The following STAB1 variants were observed in gnomAD, a reference collection of about 807,000 sequenced individuals.
The protein encoded by STAB1 is stabilin 1.
Under a neutral mutation model 332.4 loss-of-function variants are expected in STAB1, and 250 were observed. That is an observed-to-expected ratio of 0.75 (90% confidence interval 0.68 to 0.84). The LOEUF (loss-of-function observed/expected upper bound fraction) is 0.84. Among genes scored for constraint, STAB1 ranks in the 40% least tolerant of loss-of-function variants. The pLI, the probability that STAB1 is intolerant of heterozygous loss-of-function variation, is 0.00. For missense variants in STAB1, 3,249 were observed against 3,489.7 expected (o/e 0.93, Z 1.74); for synonymous variants, 1,475 against 1,390.4 (o/e 1.06, Z -1.35).
intron 21 of STAB1, among the ~76,000 whole-genome samples, 173 bp from the exon 22 acceptor site, chr3:52,509,037 C>G (rs1709096344): frequency 1.3e-5 from 2 of 152,156 alleles, no homozygotes; most frequent in South Asian, 4.1e-4. Context: ...GGGCCAGGTG[C>G]CTTTTAGGGG....
chr3:52,503,116 C>T lies in STAB1; in HGVS notation c.694+7C>T. The T allele has an allele frequency of 6.3e-7, 1 of 1,578,494 alleles. No homozygotes were observed. The highest frequency in any genetic ancestry group is 8.6e-7 in the Non-Finnish European group (1 of 1,162,844). ...CAGGGCAGTGAATGCCGAGGTGAGC[C>T]TGGACTCAGAGGCCAGGGACTTCAG... On this transcript the variant is annotated splice_region_variant and intron_variant, in intron 7 of 68. Transcript: ENST00000321725.
chr3:52,517,287 G>A (rs1412157089), intron 42 of STAB1, 33 bp from the exon 43 acceptor site: 5 of 1,531,090 alleles, frequency 3.3e-6, no homozygotes, highest in South Asian at 2.6e-5. Flanking sequence ...GGGCCACTAA[G>A]GGCCACCCCC....
At chr3:52,503,668 G>C in intron 8 of STAB1, 104 bp from the exon 9 acceptor site, 3 of 1,564,858 alleles carry the variant, frequency 1.9e-6, no homozygotes, top group South Asian at 1.2e-5. Flanking sequence ...AGAGGATAAG[G>C]GTCCTCTTCA....
intron 18 of STAB1, 61 bp downstream of exon 18, chr3:52,506,911 A>T: frequency 6.3e-7 from 1 of 1,583,464 alleles, no homozygotes. Context: ...CTGGAGCGGC[A>T]ATCCTCTTCC....
Position 52,505,051 on chromosome 3 carries a change from T to C in STAB1, c.1426T>C (p.Tyr476His), listed in dbSNP as rs764620218. 2 of 1,613,812 alleles carry C rather than the reference T, an allele frequency of 1.2e-6. No individual in the cohort carries two copies. The highest frequency in any genetic ancestry group is 1.7e-6 in the Non-Finnish European group (2 of 1,180,008). ...KDQPQQTFNI[Y>H]KANNIAANGV... Reference sequence around the variant, plus strand: ...CCAGCCCCAGCAGACGTTCAACATCTACAAGGCCAACAACATAGCAGCTAA... The same window carrying C: ...CCAGCCCCAGCAGACGTTCAACATCCACAAGGCCAACAACATAGCAGCTAA... The change falls in exon 13 of 69, where the codon TAC becomes CAC. Residue 476 changes from tyrosine (Y) to histidine (H), a missense_variant. Coordinates refer to ENST00000321725, the MANE Select transcript of STAB1 (RefSeq NM_015136.3).
chr3:52,495,564 T>G, intron 1 of STAB1, 73 bp downstream of exon 1: 1 of 1,223,774 alleles, frequency 8.2e-7, no homozygotes, highest in Non-Finnish European at 1.0e-6. Context: ...AGGGAGGGAC[T>G]GACATGGAGG....
At chr3:52,513,415 G>A (rs1425325355) in intron 30 of STAB1, among the ~76,000 whole-genome samples, 174 bp downstream of exon 30, 1 of 152,208 alleles carries the variant, frequency 6.6e-6, no homozygotes, top group African/African-American at 2.4e-5. Context: ...TGGACACTGA[G>A]TCGCTGGGCC....
chr3:52,510,803 A>G (rs1709244927), intron 25 of STAB1, among the ~76,000 whole-genome samples: 1 of 152,236 alleles, frequency 6.6e-6, no homozygotes, highest in South Asian at 2.1e-4. Context: ...GACCTCCCCA[A>G]AACTTTAGCC....
At chr3:52,502,926 C>A (rs1177087668) in intron 6 of STAB1, 73 bp from the exon 7 acceptor site, 8 of 1,383,820 alleles carry the variant, frequency 5.8e-6, no homozygotes, top group Non-Finnish European at 7.8e-6. Context: ...ACAGAACAGG[C>A]AAGGCCCCTT....
chr3:52,522,119 C>T lies in STAB1; in HGVS notation c.6354C>T (p.Thr2118=). ...CSQVGTMVTC[T]CLPDYEGDGW... ...AGGTAGGAACAATGGTCACTTGTAC[C>T]TGCCTGCCCGACTACGAGGGTGATG... Residue 2118 remains threonine (T), a synonymous_variant, in exon 59 of 69, where the codon ACC becomes ACT. Transcript: ENST00000321725. The T allele has an allele frequency of 2.5e-6, 4 of 1,613,014 alleles. No homozygotes were observed. Among genetic ancestry groups the T allele is most frequent in the Non-Finnish European group, 3.4e-6 (4 of 1,180,000 alleles).
At position 52,513,904 on chromosome 3, in the gene STAB1, G is replaced by A. The variant is rs747659340; in HGVS notation, c.3370G>A (p.Asp1124Asn). Residue 1124 changes from aspartate to asparagine, a missense_variant, in exon 32 of 69, where the codon GAT (aspartate) becomes AAT (asparagine). Asp to Asn is a conservative substitution (Grantham distance 23, BLOSUM62 1). Transcript: ENST00000321725. Reference protein sequence around the residue: ...LSQVLLPPRGDVPGGQGLLQQ... With the variant: ...LSQVLLPPRGNVPGGQGLLQQ... ...CCAGGTCTTACTGCCCCCCCGAGGG[G>A]ATGTGCCCGGTGGGCAGGGGTTGCT... 8.5e-5 allele frequency: 137 copies of A among 1,604,890 alleles called. No individual in the cohort carries two copies. The highest frequency in any genetic ancestry group is 1.1e-4 in the Non-Finnish European group (130 of 1,173,554).
At chr3:52,515,884 A>T (rs940238788) in intron 37 of STAB1, among the ~76,000 whole-genome samples, 159 bp from the exon 38 acceptor site, 1 of 151,916 alleles carries the variant, frequency 6.6e-6, no homozygotes. Flanking sequence ...TTTAGGAGGT[A>T]TCTCTGTGTC....
At chr3:52,510,326 T>C in intron 24 of STAB1, 23 bp from the exon 25 acceptor site, 4 of 1,613,804 alleles carry the variant, frequency 2.5e-6, no homozygotes, top group Non-Finnish European at 3.4e-6. Context: ...TGTCCCTCAG[T>C]TATTTATCCA....
chr3:52,523,181 G>C (rs367554287), intron 63 of STAB1, 41 bp from the exon 64 acceptor site: 27 of 1,612,180 alleles, frequency 1.7e-5, no homozygotes, highest in Non-Finnish European at 2.2e-5. Context: ...GGATCCCCGA[G>C]GAGGGAGCCT....
Position 52,516,966 on chromosome 3 carries a change from C to T in STAB1, c.4364-18C>T. On this transcript the variant is annotated intron_variant, in intron 41 of 68. Transcript: ENST00000321725. ...CCCCGTGCCTGCTCCTGAGGACTCT[C>T]TGGCCATCTCCCCTTAGAGGTGGAC... 6.2e-7 allele frequency: 1 copy of T among 1,610,298 alleles called. No individual in the cohort carries two copies. The highest frequency in any genetic ancestry group is 1.1e-5 in the South Asian group (1 of 90,742).
chr3:52,523,630 C>T, intron 65 of STAB1, 22 bp from the exon 66 acceptor site: 1 of 1,612,810 alleles, frequency 6.2e-7, no homozygotes. Context: ...TCACAGTGGG[C>T]CTGACTCTGG....
In STAB1 at chr3:52,517,271, AG is replaced by A. The variant is rs747662096; in HGVS notation, c.4490-41del. 2.5e-4 allele frequency: 352 copies of A among 1,424,382 alleles called. 1 individual carries two copies. Among genetic ancestry groups the A allele is most frequent in the Non-Finnish European group, 2.7e-4 (284 of 1,064,554 alleles). 88.2% of individuals were successfully genotyped at this position (1,424,382 alleles called of 1,614,324 possible). On this transcript the variant is annotated intron_variant, in intron 42 of 68. Coordinates refer to ENST00000321725, the MANE Select transcript of STAB1 (RefSeq NM_015136.3). ...AGATGAAGGTACAAAGGACAGAGGA[AG>A]GGGGGGGCCACTAAGGGCCACCCCC...
At chr3:52,507,741 A>G in intron 19 of STAB1, 66 bp downstream of exon 19, 1 of 1,592,244 alleles carries the variant, frequency 6.3e-7, no homozygotes, top group Admixed American at 1.7e-5. Context: ...GCCCTGGGTC[A>G]CAGGGGTGGG....
intron 9 of STAB1, 28 bp from the exon 10 acceptor site, chr3:52,504,000 C>T (rs1236084616): frequency 1.2e-6 from 2 of 1,609,352 alleles, no homozygotes; most frequent in South Asian, 2.2e-5. Context: ...TCAGCCTCCG[C>T]CCTGACTGGC....
Sources: allele counts gnomAD v4.1 joint callset (sites outside exome capture counted in the v4.1 genomes callset), GRCh38; gene constraint gnomAD v4.1.1; transcripts MANE v1.5; gene names NCBI Gene and HGNC (gene_info 2026-07-23, HGNC 2026-07-21).